The following NTNG1 variants were observed in gnomAD, a reference collection of about 807,000 sequenced individuals.
NTNG1 encodes netrin-G1.
In NTNG1, 16 loss-of-function variants were observed where a neutral mutation model predicts 54.0. The ratio of observed to expected loss-of-function variants is 0.30; its 90% CI spans 0.20 to 0.45. NTNG1 has a LOEUF of 0.45. Ranked by LOEUF, NTNG1 falls within the 20% of genes least tolerant of loss-of-function variation. NTNG1 has a pLI of 1.00. For missense variants in NTNG1, 530 were observed against 678.7 expected (o/e 0.78, Z 2.43); for synonymous variants, 255 against 263.1 (o/e 0.97, Z 0.30).
chr1:107,211,330 T>G (rs1442381375), intron 2 of NTNG1, among the ~76,000 whole-genome samples: 1 of 152,170 alleles, frequency 6.6e-6, no homozygotes, highest in Admixed American at 6.6e-5. Context: ...AAATGAATTA[T>G]TTACTCTTAT....
intron 7 of NTNG1, among the ~76,000 whole-genome samples, chr1:107,471,694 T>C (rs1033938296): frequency 6.6e-6 from 1 of 152,216 alleles, no homozygotes; most frequent in Non-Finnish European, 1.5e-5. Context: ...TATTTGAGAA[T>C]TGCATGTTTT....
chr1:107,438,188 T>A (rs939098467), intron 7 of NTNG1, among the ~76,000 whole-genome samples: 10 of 152,118 alleles, frequency 6.6e-5, no homozygotes, highest in African/African-American at 2.4e-4. Context: ...TGAAATGCCA[T>A]GGGCAGCAAT....
intron 2 of NTNG1, among the ~76,000 whole-genome samples, chr1:107,268,677 C>G (rs1296759507): frequency 1.3e-5 from 2 of 152,124 alleles, no homozygotes; most frequent in African/African-American, 4.8e-5. Context: ...GAGTTACTAC[C>G]TATTTCACAT....
In NTNG1 at chr1:107,405,969, C is replaced by T. The variant is rs540715668; in HGVS notation, c.1061-1713C>T. Among the ~76,000 whole-genome samples, 7 of 152,198 alleles carry T rather than the reference C, an allele frequency of 4.6e-5. No individual in the cohort carries two copies. In the East Asian group the frequency reaches 5.8e-4, roughly 13 times the overall value. ...ATTCAGCAGTCCTTTGCAGAAATCA[C>T]GTTCAGCTTGAAATTCATAGGGTAG... On this transcript the variant is annotated intron_variant, in intron 4 of 7. Transcript: ENST00000370068.
At chr1:107,165,837 A>C (rs1173570090) in intron 2 of NTNG1, among the ~76,000 whole-genome samples, 1 of 152,202 alleles carries the variant, frequency 6.6e-6, no homozygotes, top group Non-Finnish European at 1.5e-5. Context: ...ATCTGGCAGA[A>C]GGTGATACTT....
At chr1:107,392,248 A>G (rs1326178910) in intron 3 of NTNG1, among the ~76,000 whole-genome samples, 2 of 152,138 alleles carry the variant, frequency 1.3e-5, no homozygotes, top group Non-Finnish European at 2.9e-5. Context: ...CCAGTGGGTA[A>G]CAGAGAATCT....
In NTNG1 at chr1:107,159,485, C is replaced by G. The variant is rs556815043; in HGVS notation, c.246+10646C>G. Among the ~76,000 whole-genome samples the G allele has an allele frequency of 2.6e-5, 4 of 152,244 alleles. No individual in the cohort carries two copies. The East Asian group carries it at 7.7e-4, about 29-fold the overall frequency. ...TCATGCACTGTACTGAAAGCTTGGA[C>G]TGTGTTGGTTCTTATAATCCTCAGT... is the stretch of plus-strand genomic sequence containing the variant. On this transcript the variant is annotated intron_variant, in intron 2 of 7. Transcript: ENST00000370068.
intron 2 of NTNG1, among the ~76,000 whole-genome samples, chr1:107,313,288 T>A (rs1667131822): frequency 6.6e-6 from 1 of 152,228 alleles, no homozygotes; most frequent in Admixed American, 6.5e-5. Context: ...TTGGCAGGAA[T>A]ATTTCCAAGT....
intron 3 of NTNG1, among the ~76,000 whole-genome samples, chr1:107,366,375 G>C (rs1238281253): frequency 6.6e-6 from 1 of 152,042 alleles, no homozygotes; most frequent in Non-Finnish European, 1.5e-5. Context: ...ACAGATGTAA[G>C]GGCACTTTTA....
At chr1:107,200,804 A>G (rs775800578) in intron 2 of NTNG1, among the ~76,000 whole-genome samples, 7 of 151,792 alleles carry the variant, frequency 4.6e-5, no homozygotes, top group Admixed American at 2.6e-4. Flanking sequence ...CATTCAACAA[A>G]TATTTACCAA....
At chr1:107,432,202 G>T (rs180909820) in intron 6 of NTNG1, among the ~76,000 whole-genome samples, 1 of 152,256 alleles carries the variant, frequency 6.6e-6, no homozygotes, top group East Asian at 1.9e-4. Context: ...AGTCAGAAAA[G>T]GATAAATGGG....
At chr1:107,166,916 T>C (rs1655839479) in intron 2 of NTNG1, among the ~76,000 whole-genome samples, 1 of 151,932 alleles carries the variant, frequency 6.6e-6, no homozygotes, top group Non-Finnish European at 1.5e-5. Flanking sequence ...GTACCATGGG[T>C]TTAAGTGCTT....
intron 5 of NTNG1, chr1:107,408,189 T>C (rs568598422): frequency 1.2e-5 from 3 of 241,216 alleles, no homozygotes; most frequent in Admixed American, 5.2e-5. Context: ...ATTTTGTTAA[T>C]GCATTAAATT....
intron 3 of NTNG1, 105 bp from the exon 4 acceptor site, chr1:107,395,049 T>C: frequency 1.2e-6 from 1 of 838,756 alleles, no homozygotes; most frequent in South Asian, 1.7e-5. Flanking sequence ...TGCCTCTGTG[T>C]ATCACTAAAG....
chr1:107,197,456 A>G (rs1455791796), intron 2 of NTNG1, among the ~76,000 whole-genome samples: 10 of 152,046 alleles, frequency 6.6e-5, no homozygotes, highest in Non-Finnish European at 1.5e-4. Flanking sequence ...ATGAAATGAT[A>G]TCTTTGAAGT....
At chr1:107,330,701 C>T (rs1056280412) in intron 3 of NTNG1, 1 of 152,072 alleles carries the variant, frequency 6.6e-6, no homozygotes, top group Admixed American at 6.6e-5. Flanking sequence ...TTTGAAAATA[C>T]TTGTCTAGTG....
intron 7 of NTNG1, among the ~76,000 whole-genome samples, chr1:107,475,775 TG>T (rs969671114): frequency 1.3e-5 from 2 of 152,146 alleles, no homozygotes; most frequent in African/African-American, 2.4e-5. Flanking sequence ...TTCTTTGTTG[TG>T]GGGGGTTGTT....
chr1:107,286,177 G>A (rs1004373579), intron 2 of NTNG1, among the ~76,000 whole-genome samples: 2 of 152,058 alleles, frequency 1.3e-5, no homozygotes, highest in African/African-American at 4.8e-5. Flanking sequence ...AATTATCCAG[G>A]TGCCATGGGA....
chr1:107,229,395 A>G (rs990613430), intron 2 of NTNG1, among the ~76,000 whole-genome samples: 6 of 151,164 alleles, frequency 4.0e-5, no homozygotes, highest in African/African-American at 1.5e-4. Flanking sequence ...CTTTTGGCTA[A>G]GATCAAGTGC....
Sources: allele counts gnomAD v4.1 joint callset (sites outside exome capture counted in the v4.1 genomes callset), GRCh38; gene constraint gnomAD v4.1.1; transcripts MANE v1.5; gene names NCBI Gene and HGNC (gene_info 2026-07-23, HGNC 2026-07-21).